The following TMEM44 variants were observed in gnomAD, a reference collection of about 807,000 sequenced individuals.
The protein encoded by TMEM44 is transmembrane protein 44.
Under a neutral mutation model 47.8 loss-of-function variants are expected in TMEM44, and 43 were observed. The ratio of observed to expected loss-of-function variants is 0.90; its 90% confidence interval spans 0.70 to 1.16. TMEM44 has a LOEUF of 1.16. Among genes scored for constraint, TMEM44 ranks in the 50% most tolerant of loss-of-function variants. TMEM44 has a pLI of 0.00. For synonymous variants in TMEM44, 277 were observed against 238.8 expected (o/e 1.16, Z -1.48); for missense variants, 568 against 555.2 (o/e 1.02, Z -0.23).
intron 9 of TMEM44, chr3:194,597,248 GA>G (rs1331124443): frequency 6.6e-6 from 1 of 152,210 alleles, no homozygotes; most frequent in Non-Finnish European, 1.5e-5. Context: ...GGGAAGCACA[GA>G]AGGGAAAAAT....
chr3:194,593,903 T>C (rs950864834), intron 9 of TMEM44, among the ~76,000 whole-genome samples: 1 of 152,168 alleles, frequency 6.6e-6, no homozygotes, highest in African/African-American at 2.4e-5. Flanking sequence ...CTCCATCTCC[T>C]GGGCTCAACT....
At chr3:194,600,142 A>G (rs1713909731) in intron 9 of TMEM44, among the ~76,000 whole-genome samples, 1 of 152,008 alleles carries the variant, frequency 6.6e-6, no homozygotes, top group Non-Finnish European at 1.5e-5. Context: ...CCCAGGCTGG[A>G]GTGCAGTGGC....
chr3:194,606,024 G>A (rs1714740007), intron 8 of TMEM44, among the ~76,000 whole-genome samples: 1 of 152,184 alleles, frequency 6.6e-6, no homozygotes, highest in Non-Finnish European at 1.5e-5. Context: ...TTCCCAGCTG[G>A]GAAGGATGCT....
chr3:194,617,754 A>C (rs1051669757), intron 5 of TMEM44: 4 of 703,724 alleles, frequency 5.7e-6, no homozygotes, highest in African/African-American at 1.7e-5. Flanking sequence ...TTGAGTCGTA[A>C]TCCCCAGTGT....
chr3:194,625,975 A>G lies in TMEM44; in HGVS notation c.280T>C (p.Tyr94His), dbSNP rs140271606. 2,723 of 1,613,582 alleles carry G rather than the reference A, an allele frequency of 1.7e-3. 8 individuals are homozygous for G. Among genetic ancestry groups the G allele is most frequent in the Middle Eastern group, 4.0e-3 (24 of 6,058 alleles). ...QLTIQVFTGAYLAAIDLVNFM... is the reference protein window; with the variant it reads ...QLTIQVFTGAHLAAIDLVNFM... ...TTCACTAAGTCAATAGCTGCTAGGTAGGCACCAGTGAAAACCTGGGAGCAA... is the reference window on the plus strand; with the variant it reads ...TTCACTAAGTCAATAGCTGCTAGGTGGGCACCAGTGAAAACCTGGGAGCAA... The change falls in exon 3 of 10, where the codon TAC becomes CAC. Residue 94 changes from tyrosine (Y) to histidine (H), a missense_variant. By Grantham distance (83) the Tyr-to-His change is moderately conservative. Transcript: ENST00000347147.
rs775106473 is a variant in TMEM44, at chr3:194,610,991, C to T, written c.942G>A (p.Leu314=). Residue 314 remains leucine, a synonymous_variant, in exon 8 of 10, where the codon CTG becomes CTA. Transcript: ENST00000347147. ...TTGTCCTCAGTGACTTGCAGTGTGACAGTGTGGTGAGAGGCACCCAATCCA... is the reference window on the plus strand; with the variant it reads ...TTGTCCTCAGTGACTTGCAGTGTGATAGTGTGGTGAGAGGCACCCAATCCA... The part of the protein sequence containing the change: ...ENLDWVPLTT[L]SHCKSLRTMT... 16 of 1,613,932 alleles carry T rather than the reference C, an allele frequency of 9.9e-6. No homozygotes were observed. In the East Asian group the frequency reaches 2.7e-4, roughly 27 times the overall value.
chr3:194,626,038 A>G (rs1227035760), intron 2 of TMEM44, 48 bp from the exon 3 acceptor site: 1 of 1,438,358 alleles, frequency 7.0e-7, no homozygotes, highest in Non-Finnish European at 9.8e-7. Context: ...ATCTTTCCTC[A>G]GCCCCTACAG....
At position 194,633,132 on chromosome 3, in the gene TMEM44, G is replaced by T. The variant is rs1032406577; in HGVS notation, c.84C>A (p.Ile28=). 25 of 1,551,674 alleles carry T rather than the reference G, an allele frequency of 1.6e-5. No individual in the cohort carries two copies. The African/African-American group carries it at 3.3e-4, about 20-fold the overall frequency. The change falls in exon 1 of 10, where the codon ATC becomes ATA. Residue 28 remains isoleucine, a synonymous_variant. Coordinates refer to ENST00000347147, the MANE Select transcript of TMEM44 (RefSeq NM_001011655.3). ...AGGCGCAGATCCACAGGCCGAAGGAGATGCAGACGCGGTGGCGGGCGAAGC... is the reference window on the plus strand; with the variant it reads ...AGGCGCAGATCCACAGGCCGAAGGATATGCAGACGCGGTGGCGGGCGAAGC... The part of the protein sequence containing the change: ...DRCFARHRVC[I]SFGLWICASS...
At position 194,588,301 on chromosome 3, in the gene TMEM44, C is replaced by A. The variant is rs1301942607; in HGVS notation, c.*228G>T. 1.9e-6 allele frequency: 1 copy of A among 512,876 alleles called. No individual in the cohort carries two copies. The highest frequency in any genetic ancestry group is 3.5e-5 in the Admixed American group (1 of 28,376). The allele number at this position is 512,876 out of a possible 1,614,324, so 31.8% of individuals were successfully genotyped here. ...AGCAAAAGCTTCTGTGAACTGTGAT[C>A]TTCAGAACGAATGCTGGGCCTATCC... On this transcript the variant is annotated 3_prime_UTR_variant, in exon 10 of 10. Transcript: ENST00000347147.
intron 1 of TMEM44, among the ~76,000 whole-genome samples, chr3:194,630,838 G>C (rs1474307044): frequency 6.7e-6 from 1 of 148,268 alleles, no homozygotes. Flanking sequence ...TCACTGATAG[G>C]GCCTCTGAAA....
chr3:194,622,391 T>G (rs1716641279), intron 5 of TMEM44, among the ~76,000 whole-genome samples: 1 of 152,006 alleles, frequency 6.6e-6, no homozygotes, highest in Non-Finnish European at 1.5e-5. Context: ...TCTTGAAGCG[T>G]GAGGAGATGC....
intron 8 of TMEM44, among the ~76,000 whole-genome samples, chr3:194,606,400 G>C (rs551884489): frequency 6.6e-6 from 1 of 152,162 alleles, no homozygotes; most frequent in East Asian, 1.9e-4. Context: ...CAGGGTGCCT[G>C]TTTCCCCACA....
intron 9 of TMEM44, chr3:194,590,118 A>C (rs1215814822): frequency 1.3e-5 from 2 of 152,332 alleles, no homozygotes; most frequent in East Asian, 3.9e-4. Context: ...CGAACATTCC[A>C]ATCCTTAGAG....
intron 5 of TMEM44, 110 bp downstream of exon 5, chr3:194,623,114 C>T: frequency 9.7e-7 from 1 of 1,031,696 alleles, no homozygotes; most frequent in Non-Finnish European, 1.4e-6. Flanking sequence ...AGCCCATGTC[C>T]ATGCACCCAC....
At chr3:194,589,692 T>C (rs1430329282) in intron 9 of TMEM44, 1 of 152,130 alleles carries the variant, frequency 6.6e-6, no homozygotes, top group Non-Finnish European at 1.5e-5. Flanking sequence ...CACAGAAGCA[T>C]TGACAAAGCT....
intron 1 of TMEM44, among the ~76,000 whole-genome samples, chr3:194,629,569 T>C (rs1041173167): frequency 7.5e-6 from 1 of 134,124 alleles, no homozygotes; most frequent in East Asian, 2.5e-4. Flanking sequence ...CTGAAATACA[T>C]TGTCGTACAT....
Position 194,633,101 on chromosome 3 carries a change from A to C in TMEM44, c.115T>G (p.Cys39Gly), listed in dbSNP as rs1369008028. ...TACAGCGCGTGGGCGGCGATCCAGC[A>C]GGAGGAGGCGCAGATCCACAGGCCG... ...SFGLWICASS[C>G]WIAAHALLLY... The change falls in exon 1 of 10, where the codon TGC becomes GGC. Residue 39 changes from cysteine to glycine, a missense_variant. Coordinates refer to ENST00000347147, the MANE Select transcript of TMEM44 (RefSeq NM_001011655.3). 7.7e-6 allele frequency: 12 copies of C among 1,549,610 alleles called. No homozygotes were observed. Among genetic ancestry groups the C allele is most frequent in the Non-Finnish European group, 1.0e-5 (12 of 1,147,176 alleles).
At chr3:194,588,969 ACTCATTCCTGG>A in intron 9 of TMEM44, 1 of 270,098 alleles carries the variant, frequency 3.7e-6, no homozygotes. Flanking sequence ...TCCATGCCTA[ACTCATTCCTGG>A]AAAAAACCAG....
intron 1 of TMEM44, among the ~76,000 whole-genome samples, chr3:194,631,663 T>C (rs571289081): frequency 1.3e-5 from 2 of 151,818 alleles, no homozygotes; most frequent in Admixed American, 1.3e-4. Flanking sequence ...AGAAGGTGAG[T>C]TAATGGTGGT....
Sources: gnomAD v4.1 joint callset for allele counts (sites outside exome capture counted in the v4.1 genomes callset) on GRCh38, gnomAD v4.1.1 for gene constraint, MANE v1.5 for transcripts, NCBI Gene and HGNC (gene_info 2026-07-23, HGNC 2026-07-21) for gene names.